Variants in PRKN observed in about 807,000 individuals in gnomAD.
PRKN encodes E3 ubiquitin-protein ligase parkin.
Under a neutral mutation model 59.5 loss-of-function variants are expected in PRKN, and 56 were observed. That is an observed-to-expected ratio of 0.94 (90% CI 0.76 to 1.18). The LOEUF is 1.18. PRKN is among the 50% of genes most tolerant of loss of function. The pLI is 0.00. For missense variants in PRKN, 657 were observed against 596.4 expected (o/e 1.10, Z -1.06); for synonymous variants, 250 against 222.1 (o/e 1.13, Z -1.12).
chr6:162,233,416 A>G (rs533283727), intron 3 of PRKN, among the ~76,000 whole-genome samples: 41 of 152,310 alleles, frequency 2.7e-4, no homozygotes, highest in African/African-American at 8.9e-4. Flanking sequence ...ACAAATATGC[A>G]CATACAAGAT....
intron 7 of PRKN, among the ~76,000 whole-genome samples, chr6:161,636,023 C>A (rs892055153): frequency 6.6e-6 from 1 of 152,192 alleles, no homozygotes; most frequent in African/African-American, 2.4e-5. Flanking sequence ...CTGCAACCTC[C>A]TTCAGTCCTC....
chr6:162,063,136 A>G (rs192010005), intron 4 of PRKN, among the ~76,000 whole-genome samples: 116 of 152,352 alleles, frequency 7.6e-4, no homozygotes, highest in Admixed American at 1.3e-3. Flanking sequence ...TTCAATGAAC[A>G]TTAGAGCTCA....
chr6:161,616,037 C>G (rs1582894883), intron 7 of PRKN, among the ~76,000 whole-genome samples: 1 of 152,176 alleles, frequency 6.6e-6, no homozygotes, highest in Non-Finnish European at 1.5e-5. Context: ...TGGCCGCTCT[C>G]TCTCCCCAGC....
intron 2 of PRKN, among the ~76,000 whole-genome samples, chr6:162,391,868 T>C (rs1164909439): frequency 6.6e-6 from 1 of 152,174 alleles, no homozygotes; most frequent in Non-Finnish European, 1.5e-5. Flanking sequence ...GTGCATTGTT[T>C]CTAAAAGGCC....
intron 4 of PRKN, among the ~76,000 whole-genome samples, chr6:162,183,742 G>T (rs1406958896): frequency 6.6e-5 from 10 of 152,238 alleles, no homozygotes; most frequent in African/African-American, 2.4e-4. Context: ...GGGCTCAATA[G>T]CCATAAAACT....
intron 10 of PRKN, among the ~76,000 whole-genome samples, chr6:161,383,538 T>A (rs552757721): frequency 1.3e-5 from 2 of 152,278 alleles, no homozygotes; most frequent in South Asian, 4.1e-4. Flanking sequence ...GGAGGCAAGA[T>A]GTCCATGCTC....
At chr6:162,726,472 C>G (rs1652292304) in intron 1 of PRKN, among the ~76,000 whole-genome samples, 1 of 152,176 alleles carries the variant, frequency 6.6e-6, no homozygotes, top group African/African-American at 2.4e-5. Context: ...AGTCATTCAC[C>G]AAAAGTCAGA....
chr6:162,437,589 AC>A (rs1789840134), intron 2 of PRKN, among the ~76,000 whole-genome samples: 1 of 151,886 alleles, frequency 6.6e-6, no homozygotes, highest in Non-Finnish European at 1.5e-5. Context: ...ACCTGCTTCC[AC>A]CCCCTTCAGA....
At chr6:162,705,159 C>A (rs934811967) in intron 1 of PRKN, among the ~76,000 whole-genome samples, 1 of 152,180 alleles carries the variant, frequency 6.6e-6, no homozygotes, top group African/African-American at 2.4e-5. Context: ...ACCCTTCACA[C>A]CTGCCTGATG....
At chr6:161,710,925 A>C (rs1242567830) in intron 7 of PRKN, among the ~76,000 whole-genome samples, 406 of 58,860 alleles carry the variant, frequency 6.9e-3, no homozygotes, top group African/African-American at 0.011. Flanking sequence ...TTCCTTCCTC[A>C]CCCCTTCCTT....
intron 5 of PRKN, among the ~76,000 whole-genome samples, chr6:161,989,341 G>C (rs752416403): frequency 6.6e-6 from 1 of 152,286 alleles, no homozygotes; most frequent in Admixed American, 6.5e-5. Flanking sequence ...ATGCACATCA[G>C]GGGGCCTGAG....
intron 4 of PRKN, among the ~76,000 whole-genome samples, chr6:162,189,371 A>G (rs2128326164): frequency 6.6e-6 from 1 of 151,488 alleles, no homozygotes; most frequent in South Asian, 2.1e-4. Flanking sequence ...ATTATCTTCT[A>G]TAGGAGGGAA....
intron 5 of PRKN, among the ~76,000 whole-genome samples, chr6:162,048,235 C>T (rs558759874): frequency 1.3e-4 from 19 of 151,978 alleles, no homozygotes; most frequent in Admixed American, 4.6e-4. Flanking sequence ...GAAATCAACA[C>T]CCCTCAATAA....
intron 6 of PRKN, among the ~76,000 whole-genome samples, chr6:161,875,179 ATG>A (rs35912782): frequency 4.3e-5 from 6 of 138,484 alleles, no homozygotes; most frequent in Admixed American, 2.3e-4. Flanking sequence ...TATAAAATAT[ATG>A]TGTGTGTGTA....
chr6:162,195,021 G>C (rs553169164), intron 4 of PRKN, among the ~76,000 whole-genome samples: 2 of 152,294 alleles, frequency 1.3e-5, no homozygotes, highest in African/African-American at 4.8e-5. Context: ...GGGCCACCCT[G>C]GCTTTGGTAG....
intron 7 of PRKN, among the ~76,000 whole-genome samples, chr6:161,643,011 C>T (rs970542694): frequency 6.6e-6 from 1 of 152,110 alleles, no homozygotes; most frequent in Non-Finnish European, 1.5e-5. Context: ...AAAACTAGGA[C>T]ATAAGGACAG....
intron 7 of PRKN, among the ~76,000 whole-genome samples, chr6:161,580,369 C>T (rs932638826): frequency 2.0e-5 from 3 of 152,186 alleles, no homozygotes; most frequent in Non-Finnish European, 4.4e-5. Context: ...TGGTATGCGG[C>T]TCAGGTGACT....
At chr6:162,478,166 G>A (rs1366683516) in intron 1 of PRKN, among the ~76,000 whole-genome samples, 1 of 152,158 alleles carries the variant, frequency 6.6e-6, no homozygotes, top group Non-Finnish European at 1.5e-5. Context: ...AGCTTACTCT[G>A]AGAAAAGAGG....
At chr6:162,022,695 C>T (rs1783253934) in intron 5 of PRKN, among the ~76,000 whole-genome samples, 1 of 152,050 alleles carries the variant, frequency 6.6e-6, no homozygotes, top group Non-Finnish European at 1.5e-5. Context: ...GTTTTTGTTG[C>T]ATTTGCTTTT....
Sources: allele counts gnomAD v4.1 joint callset (sites outside exome capture counted in the v4.1 genomes callset), GRCh38; gene constraint gnomAD v4.1.1; transcripts MANE v1.5; gene names NCBI Gene and HGNC (gene_info 2026-07-23, HGNC 2026-07-21).